The following ANKRD13A variants were observed in gnomAD, a reference collection of about 807,000 sequenced individuals.
ANKRD13A encodes ankyrin repeat domain-containing protein 13A.
A neutral mutation model predicts 81.3 loss-of-function variants in ANKRD13A; 48 were observed. That is an observed-to-expected ratio of 0.59 (90% CI 0.47 to 0.75). The LOEUF is 0.75. Among genes scored for constraint, ANKRD13A ranks in the 30% least tolerant of loss-of-function variants. The pLI is 0.00. For synonymous variants in ANKRD13A, 230 were observed against 270.1 expected (o/e 0.85, Z 1.45); for missense variants, 612 against 734.0 (o/e 0.83, Z 1.92).
At chr12:110,015,785 C>T (rs1890762700) in intron 3 of ANKRD13A, among the ~76,000 whole-genome samples, 1 of 151,624 alleles carries the variant, frequency 6.6e-6, no homozygotes, top group Admixed American at 6.6e-5. Flanking sequence ...GACCTTAACT[C>T]ATCCACCCGC....
rs948650840 is a variant in ANKRD13A at position 110,012,149 on chromosome 12, T to C, written c.229+12T>C. 1 of 1,592,024 alleles carries C rather than the reference T, an allele frequency of 6.3e-7. No homozygotes were observed. The highest frequency in any genetic ancestry group is 8.6e-7 in the Non-Finnish European group (1 of 1,162,590). On this transcript the variant is annotated intron_variant, in intron 2 of 14. Transcript: ENST00000261739. Reference sequence around the variant, plus strand: ...CCAGGGATGGACAGGTAAGTATACTTTTACAATAATTTAAAGTCCGTCTGA... The same window carrying C: ...CCAGGGATGGACAGGTAAGTATACTCTTACAATAATTTAAAGTCCGTCTGA...
chr12:110,011,314 C>G (rs571512738), intron 1 of ANKRD13A, among the ~76,000 whole-genome samples: 1 of 152,100 alleles, frequency 6.6e-6, no homozygotes, highest in Non-Finnish European at 1.5e-5. Context: ...AGGTAAGAGC[C>G]AGGTGTGCAT....
chr12:110,033,670 T>C (rs1891844482), intron 12 of ANKRD13A, 127 bp from the exon 13 acceptor site: 7 of 861,130 alleles, frequency 8.1e-6, no homozygotes, highest in Non-Finnish European at 1.2e-5. Context: ...GAATCTCTCA[T>C]ATAATAGTAA....
intron 13 of ANKRD13A, among the ~76,000 whole-genome samples, chr12:110,034,521 C>G (rs1299891401): frequency 6.6e-5 from 10 of 152,190 alleles, no homozygotes; most frequent in African/African-American, 2.4e-4. Flanking sequence ...ATTGCACCCT[C>G]AAACTCCTGG....
Position 110,018,269 on chromosome 12 carries a change from C to G in ANKRD13A, c.401-76C>G. 2.7e-6 allele frequency: 4 copies of G among 1,482,072 alleles called. No individual in the cohort carries two copies. Among genetic ancestry groups the G allele is most frequent in the Non-Finnish European group, 3.7e-6 (4 of 1,091,216 alleles). The allele number at this position is 1,482,072 out of a possible 1,614,324, so 91.8% of individuals were successfully genotyped here. A position where few individuals can be genotyped will look rare whatever the true frequency, so the allele number is the denominator to read the frequency against. ...TGCCACTCCCCTCCTTTTATTAAATCAGAATCCTGATTTCCTGGCCTAGGT... is the reference window on the plus strand; with the variant it reads ...TGCCACTCCCCTCCTTTTATTAAATGAGAATCCTGATTTCCTGGCCTAGGT... On this transcript the variant is annotated intron_variant, in intron 4 of 14. Coordinates refer to ENST00000261739, the MANE Select transcript of ANKRD13A (RefSeq NM_033121.2). This position sits in a 1 kb window ranked among gnomAD's most constrained non-coding sequence, Gnocchi z 4.4.
intron 3 of ANKRD13A, among the ~76,000 whole-genome samples, chr12:110,014,038 C>T (rs966026917): frequency 1.3e-5 from 2 of 152,078 alleles, no homozygotes; most frequent in Non-Finnish European, 2.9e-5. Context: ...ATTAGTATTT[C>T]GAGACCTTTA....
upstream of ANKRD13A, chr12:109,999,285 G>A (rs1311727322): frequency 6.5e-6 from 1 of 152,772 alleles, no homozygotes; most frequent in Non-Finnish European, 1.5e-5. This position sits in a 1 kb window ranked among gnomAD's most constrained non-coding sequence, Gnocchi z 4.3. Flanking sequence ...GCTCTGTTCT[G>A]TGGGCTGCAC....
chr12:110,039,226 C>T lies in ANKRD13A; in HGVS notation c.*1672C>T, dbSNP rs574718949. On this transcript the variant is annotated 3_prime_UTR_variant, in exon 15 of 15. Coordinates refer to ENST00000261739, the MANE Select transcript of ANKRD13A (RefSeq NM_033121.2). The stretch of plus-strand genomic sequence containing the variant: ...CTTCTTGGAATGGCTGCAGTGAGGC[C>T]GTGTCATTGGCTCACAAAAGTGACT... The T allele has an allele frequency of 2.0e-5, 3 of 152,222 alleles. No homozygotes were observed. The highest frequency in any genetic ancestry group is 2.1e-4 in the South Asian group (1 of 4,830). The allele number at this position is 152,222 out of a possible 1,614,324, so 9.4% of individuals were successfully genotyped here. A position where few individuals can be genotyped will look rare whatever the true frequency, so the allele number is the denominator to read the frequency against.
At chr12:110,008,189 G>T (rs1488975379) in intron 1 of ANKRD13A, among the ~76,000 whole-genome samples, 5 of 152,022 alleles carry the variant, frequency 3.3e-5, no homozygotes, top group Admixed American at 1.3e-4. Context: ...GAGAGTTTTG[G>T]TTTTTTTCTT....
rs763901109 is a variant in ANKRD13A at position 110,025,781 on chromosome 12, C to T, written c.841C>T (p.Arg281Cys). 21 of 1,613,558 alleles carry T rather than the reference C, an allele frequency of 1.3e-5. No homozygotes were observed. The highest frequency in any genetic ancestry group is 5.5e-5 in the South Asian group (5 of 91,014). ...VNNVNVITKIRTEHLTEEEKK... is the reference protein window; with the variant it reads ...VNNVNVITKICTEHLTEEEKK... ...CAATGTGAATGTGATCACCAAAATA[C>T]GCACAGAACATCTGACCGAGGAGGA... The change falls in exon 8 of 15, where the codon CGC becomes TGC. Residue 281 changes from arginine to cysteine, a missense_variant. Transcript: ENST00000261739.
chr12:110,002,611 G>A (rs1361327565), intron 1 of ANKRD13A, among the ~76,000 whole-genome samples: 3 of 151,926 alleles, frequency 2.0e-5, no homozygotes, highest in Non-Finnish European at 2.9e-5. Context: ...GCGAGGCTCC[G>A]ACTCAAAAAA....
intron 1 of ANKRD13A, among the ~76,000 whole-genome samples, chr12:110,005,953 A>AT (rs1275151269): frequency 6.6e-6 from 1 of 152,054 alleles, no homozygotes; most frequent in African/African-American, 2.4e-5. Flanking sequence ...AGTAGCTGGG[A>AT]TTACAGGTGT....
chr12:110,018,474 T>C lies in ANKRD13A; in HGVS notation c.530T>C (p.Ile177Thr), dbSNP rs148691609. ...MSWIRGRRSF[I>T]FKGEDNWAEL... ...TGGATAAGAGGGAGGCGTAGTTTTA[T>C]ATTTAAGGGAGAAGGTGAGTGACTT... The change falls in exon 5 of 15, where the codon ATA becomes ACA. Residue 177 changes from isoleucine (I) to threonine (T), a missense_variant. Ile to Thr is a moderately conservative substitution (Grantham distance 89). Transcript: ENST00000261739. The surrounding 1 kb of genome is among the most constrained non-coding windows in gnomAD (Gnocchi z 4.4). The C allele has an allele frequency of 7.2e-4, 1,157 of 1,614,066 alleles. 1 individual carries two copies. The highest frequency in any genetic ancestry group is 9.5e-4 in the Non-Finnish European group (1,116 of 1,179,926).
At chr12:110,021,014 C>T in intron 6 of ANKRD13A, 2 of 388,096 alleles carry the variant, frequency 5.2e-6, no homozygotes, top group Non-Finnish European at 1.1e-5. Flanking sequence ...GGTGACAATT[C>T]CTGGCTGTTA....
intron 12 of ANKRD13A, among the ~76,000 whole-genome samples, chr12:110,031,247 A>G (rs1440565366): frequency 6.6e-6 from 1 of 152,178 alleles, no homozygotes; most frequent in Non-Finnish European, 1.5e-5. Context: ...TGTAGAATAT[A>G]TATGATCCTA....
chr12:110,028,886 T>G (rs1206370280), intron 10 of ANKRD13A: 1 of 366,236 alleles, frequency 2.7e-6, no homozygotes, highest in African/African-American at 2.1e-5. Context: ...TACAGGCGCG[T>G]GCCACCACGC....
Position 110,009,308 on chromosome 12 carries a change from C to T in ANKRD13A, c.97-2697C>T, listed in dbSNP as rs369335618. ...GTTGGTCAGGCTGGTCTCGAACTCC[C>T]GACCTCTAGTGATCCACCCGCCTCG... On this transcript the variant is annotated intron_variant, in intron 1 of 14. Transcript: ENST00000261739. 2.6e-4 allele frequency among the ~76,000 whole-genome samples: 40 copies of T among 152,136 alleles called. No homozygotes were observed. The East Asian group carries it at 4.6e-3, about 18-fold the overall frequency.
Position 110,033,907 on chromosome 12 carries a change from A to G in ANKRD13A, c.1459A>G (p.Ile487Val), listed in dbSNP as rs765998597. ...NVHLQDEDYE[I>V]MQFAIQQSLL... Reference sequence around the variant, plus strand: ...GCATTTGCAAGATGAAGATTACGAGATAATGCAGTTTGCCATCCAGCAAAG... The same window carrying G: ...GCATTTGCAAGATGAAGATTACGAGGTAATGCAGTTTGCCATCCAGCAAAG... The change falls in exon 13 of 15, where the codon ATA becomes GTA. Residue 487 changes from isoleucine to valine, a missense_variant. By Grantham distance (29) the Ile-to-Val change is conservative (BLOSUM62 3). Transcript: ENST00000261739. The G allele has an allele frequency of 6.2e-7, 1 of 1,613,040 alleles. No individual in the cohort carries two copies. The highest frequency in any genetic ancestry group is 1.7e-5 in the Admixed American group (1 of 59,814).
At chr12:110,019,113 A>G (rs1354070072) in intron 5 of ANKRD13A, 26 bp from the exon 6 acceptor site, 1 of 1,549,392 alleles carries the variant, frequency 6.5e-7, no homozygotes, top group Admixed American at 2.0e-5. Context: ...CTTTGCACTT[A>G]GTTATGCCTT....
Sources: gnomAD v4.1 joint callset for allele counts (sites outside exome capture counted in the v4.1 genomes callset) on GRCh38, gnomAD v4.1.1 for gene constraint, Gnocchi (gnomAD v3.1) non-coding constraint, MANE v1.5 for transcripts, NCBI Gene and HGNC (gene_info 2026-07-23, HGNC 2026-07-21) for gene names.